Variants in PFDN2 observed in about 807,000 individuals in gnomAD.
PFDN2 encodes prefoldin 2.
PFDN2 carries 7 observed loss-of-function variants against 18.3 expected under a neutral mutation model. The observed-to-expected ratio is 0.38, with a 90% confidence interval of 0.22 to 0.72. The LOEUF is 0.72. Among genes scored for constraint, PFDN2 ranks in the 30% least tolerant of loss-of-function variants. PFDN2 has a pLI of 0.47. For synonymous variants in PFDN2, 76 were observed against 75.0 expected (o/e 1.01, Z -0.07); for missense variants, 181 against 199.1 (o/e 0.91, Z 0.55).
In PFDN2 at chr1:161,102,030, T is replaced by G; in HGVS notation, c.288+18A>C. 1.2e-6 allele frequency: 2 copies of G among 1,614,036 alleles called. No homozygotes were observed. Among genetic ancestry groups the G allele is most frequent in the African/African-American group, 1.3e-5 (1 of 75,056 alleles). On this transcript the variant is annotated intron_variant, in intron 3 of 3. Transcript: ENST00000368010. ...TTACAGCCACTGTACCCGATCCTATTCAATGATTCTTGCTCACCTGCTCCT... is the reference window on the plus strand; with the variant it reads ...TTACAGCCACTGTACCCGATCCTATGCAATGATTCTTGCTCACCTGCTCCT...
At chr1:161,113,981 A>G (rs183316652) in intron 1 of PFDN2, among the ~76,000 whole-genome samples, 1 of 152,322 alleles carries the variant, frequency 6.6e-6, no homozygotes, top group African/African-American at 2.4e-5. Flanking sequence ...ACACTTCCTC[A>G]GTTTCCTGAG....
chr1:161,112,809 CAT>C (rs1346136121), intron 1 of PFDN2, among the ~76,000 whole-genome samples: 3 of 151,090 alleles, frequency 2.0e-5, no homozygotes, highest in Non-Finnish European at 4.4e-5. Flanking sequence ...ACTTAGATGA[CAT>C]AGAAAAATGT....
intron 1 of PFDN2, among the ~76,000 whole-genome samples, chr1:161,108,444 C>T (rs1040695113): frequency 2.0e-4 from 25 of 128,078 alleles, no homozygotes; most frequent in Non-Finnish European, 2.7e-4. Flanking sequence ...GGCACAAGAC[C>T]GAAACTCCGT....
rs1168005100 is a variant in PFDN2, at chr1:161,117,925, C to T, written c.75+27G>A. On this transcript the variant is annotated intron_variant, in intron 1 of 3. Coordinates refer to ENST00000368010, the MANE Select transcript of PFDN2 (RefSeq NM_012394.4). Reference sequence around the variant, plus strand: ...CTAGTATTCCAGACCCAGGTGGGTACCCTGCTTCGCGTTAGCCACTCCTCA... The same window carrying T: ...CTAGTATTCCAGACCCAGGTGGGTATCCTGCTTCGCGTTAGCCACTCCTCA... 4 of 1,589,376 alleles carry T rather than the reference C, an allele frequency of 2.5e-6. No homozygotes were observed. In the South Asian group the frequency reaches 3.4e-5, roughly 13 times the overall value.
At chr1:161,109,632 A>T (rs1394256584) in intron 1 of PFDN2, among the ~76,000 whole-genome samples, 1 of 152,222 alleles carries the variant, frequency 6.6e-6, no homozygotes, top group Non-Finnish European at 1.5e-5. Context: ...AAAAGACGGT[A>T]AGACCTGTAC....
Position 161,117,998 on chromosome 1 carries a change from T to C in PFDN2, c.29A>G (p.Lys10Arg), listed in dbSNP as rs546804573. 111 of 1,612,628 alleles carry C rather than the reference T, an allele frequency of 6.9e-5. 2 individuals carry two copies. The highest frequency in any genetic ancestry group is 6.8e-4 in the South Asian group (62 of 90,982). MAENSGRAG[K>R]SSGSGAGKGA... ...CTTCCCCGCGCCGCTCCCGCTGCTC[T>C]TGCCGGCGCGACCGCTGTTCTCCGC... is the stretch of plus-strand genomic sequence containing the variant. Residue 10 changes from lysine (K) to arginine (R), a missense_variant, in exon 1 of 4, where the codon AAG (lysine) becomes AGG (arginine). By Grantham distance (26) the Lys-to-Arg change is conservative. Coordinates refer to ENST00000368010, the MANE Select transcript of PFDN2 (RefSeq NM_012394.4).
rs184612057 is a variant in PFDN2, at chr1:161,111,122, T to G, written c.75+6830A>C. On this transcript the variant is annotated intron_variant, in intron 1 of 3. Coordinates refer to ENST00000368010, the MANE Select transcript of PFDN2 (RefSeq NM_012394.4). ...CCCAAAGTGCTGGGATTACAGGTGT[T>G]AGCCACTGCGCCCAGCCCGAGATGG... 5.5e-4 allele frequency among the ~76,000 whole-genome samples: 84 copies of G among 152,044 alleles called. 1 individual carries two copies. Among genetic ancestry groups the G allele is most frequent in the Middle Eastern group, 6.8e-3 (2 of 294 alleles).
At chr1:161,111,951 C>T (rs1654818783) in intron 1 of PFDN2, among the ~76,000 whole-genome samples, 1 of 152,144 alleles carries the variant, frequency 6.6e-6, no homozygotes, top group African/African-American at 2.4e-5. Flanking sequence ...CCAGCAATTG[C>T]CTTTATTCTA....
Position 161,102,391 on chromosome 1 carries a change from A to T in PFDN2, c.76-16T>A. ...CAGCAATCACCTAACAAGGTGAGAG[A>T]AGAGATGAAAGAGGGGATAGTGGAA... On this transcript the variant is annotated splice_polypyrimidine_tract_variant and intron_variant, in intron 1 of 3. Coordinates refer to ENST00000368010, the MANE Select transcript of PFDN2 (RefSeq NM_012394.4). 1 of 1,592,170 alleles carries T rather than the reference A, an allele frequency of 6.3e-7. No individual in the cohort carries two copies. The highest frequency in any genetic ancestry group is 8.6e-7 in the Non-Finnish European group (1 of 1,160,090).
intron 1 of PFDN2, among the ~76,000 whole-genome samples, chr1:161,117,716 G>A (rs543751059): frequency 3.9e-5 from 6 of 152,310 alleles, no homozygotes; most frequent in South Asian, 4.1e-4. Flanking sequence ...GACCCTACAT[G>A]TCAGGGCTTT....
At chr1:161,108,632 G>A (rs1405710467) in intron 1 of PFDN2, among the ~76,000 whole-genome samples, 1 of 151,706 alleles carries the variant, frequency 6.6e-6, no homozygotes, top group Non-Finnish European at 1.5e-5. Flanking sequence ...CACTTTTCTT[G>A]AATTTCTTGA....
intron 1 of PFDN2, among the ~76,000 whole-genome samples, chr1:161,107,840 G>A (rs527542885): frequency 4.0e-5 from 6 of 149,460 alleles, no homozygotes; most frequent in African/African-American, 7.4e-5. Context: ...AAGGCCAGGC[G>A]TGCTGGCTCA....
chr1:161,102,187 A>G lies in PFDN2; in HGVS notation c.165-16T>C, dbSNP rs901441518. 1 of 1,614,182 alleles carries G rather than the reference A, an allele frequency of 6.2e-7. No homozygotes were observed. The highest frequency in any genetic ancestry group is 1.1e-5 in the South Asian group (1 of 91,090). On this transcript the variant is annotated splice_polypyrimidine_tract_variant and intron_variant, in intron 2 of 3. Transcript: ENST00000368010. ...GATCACTAGGCTGGGATAGGAGAAC[A>G]AGGCAGGACCTGAGGATTCAGCCCC...
intron 3 of PFDN2, among the ~76,000 whole-genome samples, chr1:161,101,539 G>A (rs7525124): frequency 0.36 from 54,036 of 151,964 alleles, 9,873 homozygotes; most frequent in East Asian, 0.43. Flanking sequence ...ACTCCCAAAG[G>A]TTCTAATCCA....
intron 1 of PFDN2, among the ~76,000 whole-genome samples, chr1:161,114,031 G>A (rs943827482): frequency 1.3e-5 from 2 of 152,116 alleles, no homozygotes; most frequent in Non-Finnish European, 2.9e-5. Flanking sequence ...CTAAAACAGT[G>A]GTTCCACTCT....
At position 161,118,034 on chromosome 1, in the gene PFDN2, G is replaced by C; in HGVS notation, c.-8C>G. On this transcript the variant is annotated 5_prime_UTR_variant, in exon 1 of 4. Transcript: ENST00000368010. ...ACCGCTGTTCTCCGCCATCTTCGCCGCCTGCTGGGTTTCCGGCCGGCGCAG... is the reference window on the plus strand; with the variant it reads ...ACCGCTGTTCTCCGCCATCTTCGCCCCCTGCTGGGTTTCCGGCCGGCGCAG... 1 of 1,610,532 alleles carries C rather than the reference G, an allele frequency of 6.2e-7. No individual in the cohort carries two copies. Among genetic ancestry groups the C allele is most frequent in the Non-Finnish European group, 8.5e-7 (1 of 1,178,846 alleles).
At chr1:161,116,374 G>A (rs768126091) in intron 1 of PFDN2, among the ~76,000 whole-genome samples, 6 of 152,120 alleles carry the variant, frequency 3.9e-5, no homozygotes, top group Non-Finnish European at 7.4e-5. Context: ...CAATTAGCCA[G>A]GTATGGTGGT....
chr1:161,117,886 G>A (rs941093936), intron 1 of PFDN2, 66 bp downstream of exon 1: 2 of 1,372,904 alleles, frequency 1.5e-6, no homozygotes, highest in Admixed American at 4.0e-5. Context: ...CAAGCCACAG[G>A]CTCCCCCTTC....
chr1:161,117,246 A>C (rs941667225), intron 1 of PFDN2, among the ~76,000 whole-genome samples: 1 of 152,242 alleles, frequency 6.6e-6, no homozygotes, highest in Non-Finnish European at 1.5e-5. Flanking sequence ...TCAAAAAAAA[A>C]CGATAATAAT....
Sources: gnomAD v4.1 joint callset for allele counts (sites outside exome capture counted in the v4.1 genomes callset) on GRCh38, gnomAD v4.1.1 for gene constraint, MANE v1.5 for transcripts, NCBI Gene and HGNC (gene_info 2026-07-23, HGNC 2026-07-21) for gene names.